Variants in OR51B5 observed in about 807,000 individuals in gnomAD.
The protein encoded by OR51B5 is olfactory receptor family 51 subfamily B member 5.
For synonymous variants in OR51B5, 186 were observed against 144.8 expected (o/e 1.28, Z -2.04); for missense variants, 456 against 374.6 (o/e 1.22, Z -1.79).
Position 5,363,089 on chromosome 11 carries a change from C to A in OR51B5, n.85-16179G>T, listed in dbSNP as rs1995159. On this transcript the variant is annotated intron_variant and non_coding_transcript_variant, in intron 1 of 4. Coordinates refer to the OR51B5 transcript ENST00000415970. ...ATGTGCTAAGTAGATGTCTGAGTGG[C>A]ATTCCTCCATGAGAGAAAGCTTAAG... Among the ~76,000 whole-genome samples, 358 of 152,010 alleles carry A rather than the reference C, an allele frequency of 2.4e-3. 9 individuals carry two copies. In the East Asian group the frequency reaches 0.05, roughly 21 times the overall value.
chr11:5,489,724 C>A, intron 1 of OR51B5: 2 of 1,088,472 alleles, frequency 1.8e-6, no homozygotes, highest in South Asian at 1.4e-5. Context: ...GATACATTTA[C>A]ATGGACACAC....
intron 1 of OR51B5, among the ~76,000 whole-genome samples, chr11:5,475,213 T>TGC (rs1851285604): frequency 6.6e-6 from 1 of 152,216 alleles, no homozygotes; most frequent in East Asian, 1.9e-4. Context: ...TACATCAATA[T>TGC]TAAGTCAACT....
At chr11:5,421,836 G>A (rs549727650) in intron 1 of OR51B5, among the ~76,000 whole-genome samples, 39 of 152,328 alleles carry the variant, frequency 2.6e-4, no homozygotes, top group Middle Eastern at 3.4e-3. Flanking sequence ...TTATACAATA[G>A]AGTTCATTTT....
chr11:5,407,865 CAAT>C (rs1850082409), intron 1 of OR51B5, among the ~76,000 whole-genome samples: 2 of 151,878 alleles, frequency 1.3e-5, no homozygotes, highest in African/African-American at 4.8e-5. Context: ...TTTTTCCTAT[CAAT>C]AATGATTAAT....
At chr11:5,348,719 C>G (rs571209392) in intron 1 of OR51B5, among the ~76,000 whole-genome samples, 27 of 152,202 alleles carry the variant, frequency 1.8e-4, no homozygotes, top group African/African-American at 6.5e-4. Context: ...CCCACCCAGA[C>G]GGAGGGTGGG....
chr11:5,342,382 A>G (rs375813220), downstream of OR51B5: 119 of 176,834 alleles, frequency 6.7e-4, 2 homozygotes, highest in South Asian at 0.021. Flanking sequence ...TATTCCGTTT[A>G]CAGGAATGCA....
intron 1 of OR51B5, chr11:5,441,653 C>G: frequency 1.5e-6 from 1 of 667,686 alleles, no homozygotes; most frequent in South Asian, 1.9e-5. Flanking sequence ...CAGTAAGACA[C>G]TCATCTCTTT....
intron 1 of OR51B5, chr11:5,456,248 C>T (rs1238037885): frequency 6.6e-6 from 1 of 152,088 alleles, no homozygotes. Context: ...TATGAGCCTC[C>T]CAAAAAGCCT....
intron 1 of OR51B5, among the ~76,000 whole-genome samples, chr11:5,491,436 T>A (rs1851579901): frequency 2.0e-5 from 3 of 152,118 alleles, no homozygotes; most frequent in Admixed American, 2.0e-4. Context: ...GGGACAGTCA[T>A]GTCTTGGCCC....
chr11:5,396,794 T>C (rs372139286), intron 1 of OR51B5, among the ~76,000 whole-genome samples: 11 of 152,104 alleles, frequency 7.2e-5, no homozygotes, highest in Admixed American at 1.3e-4. Context: ...CACTACCTGA[T>C]TTCAAACTAT....
In OR51B5 at chr11:5,416,122, A is replaced by T. The variant is rs1026196272; in HGVS notation, n.85-69212T>A. On this transcript the variant is annotated intron_variant and non_coding_transcript_variant, in intron 1 of 4. Transcript: ENST00000415970. ...CCCTGGGATGCAAGGCTGGTTCAAT[A>T]TATGCAAATCAATAAATGTAGTCCA... 1.1e-3 allele frequency among the ~76,000 whole-genome samples: 158 copies of T among 150,268 alleles called. 1 individual carries two copies. The highest frequency in any genetic ancestry group is 3.7e-3 in the African/African-American group (153 of 40,908).
chr11:5,494,880 G>A (rs926178204), intron 1 of OR51B5, among the ~76,000 whole-genome samples: 1 of 152,152 alleles, frequency 6.6e-6, no homozygotes, highest in Non-Finnish European at 1.5e-5. Flanking sequence ...GAGAAACAGA[G>A]AACAGATAGG....
intron 1 of OR51B5, among the ~76,000 whole-genome samples, chr11:5,402,174 G>A (rs1849980535): frequency 6.6e-6 from 1 of 151,928 alleles, no homozygotes; most frequent in African/African-American, 2.4e-5. Flanking sequence ...AACAAGCCTG[G>A]CTAATTTTTG....
At position 5,426,220 on chromosome 11, in the gene OR51B5, G is replaced by A. The variant is rs931507025; in HGVS notation, n.85-79310C>T. On this transcript the variant is annotated intron_variant and non_coding_transcript_variant, in intron 1 of 4. Transcript: ENST00000415970. ...GTCAAGGTTTTGGGGAAAGTGAAGTGTTGAATAGGTGAAGCTCGAGGATTT... is the reference window on the plus strand; with the variant it reads ...GTCAAGGTTTTGGGGAAAGTGAAGTATTGAATAGGTGAAGCTCGAGGATTT... Among the ~76,000 whole-genome samples, 5 of 152,286 alleles carry A rather than the reference G, an allele frequency of 3.3e-5. No homozygotes were observed. In the East Asian group the frequency reaches 5.8e-4, roughly 18 times the overall value.
In OR51B5 at chr11:5,389,682, G is replaced by C. The variant is rs202231256; in HGVS notation, n.85-42772C>G. On this transcript the variant is annotated intron_variant and non_coding_transcript_variant, in intron 1 of 4. Coordinates refer to the OR51B5 transcript ENST00000415970. ...GTGTCCACGTTGCCCACCACTATGG[G>C]GATCTTCTGGTTTAACTCCCATAGT... The C allele has an allele frequency of 1.3e-4, 206 of 1,613,572 alleles. No individual in the cohort carries two copies. In the African/African-American group the frequency reaches 2.5e-3, roughly 19 times the overall value.
chr11:5,403,220 T>A (rs1342096429), intron 1 of OR51B5: 11 of 471,288 alleles, frequency 2.3e-5, no homozygotes, highest in Admixed American at 7.0e-5. Flanking sequence ...TTACCTCTAC[T>A]TTTGGGCTGG....
intron 1 of OR51B5, among the ~76,000 whole-genome samples, chr11:5,426,094 A>C (rs1850445880): frequency 6.6e-6 from 1 of 152,216 alleles, no homozygotes; most frequent in Admixed American, 6.5e-5. Context: ...CATATTGCTA[A>C]GTGAAAGAAG....
At chr11:5,360,216 A>C (rs1292130358) in intron 1 of OR51B5, among the ~76,000 whole-genome samples, 3 of 151,860 alleles carry the variant, frequency 2.0e-5, no homozygotes, top group African/African-American at 7.3e-5. Flanking sequence ...CAACATACAG[A>C]ATGGGAGAAA....
chr11:5,371,049 A>T (rs1849441112), intron 1 of OR51B5, among the ~76,000 whole-genome samples: 1 of 152,200 alleles, frequency 6.6e-6, no homozygotes, highest in South Asian at 2.1e-4. Context: ...CCAAGAGCAG[A>T]TAATTTGAGT....
Sources: gnomAD v4.1 joint callset for allele counts (sites outside exome capture counted in the v4.1 genomes callset) on GRCh38, gnomAD v4.1.1 for gene constraint, MANE v1.5 for transcripts, NCBI Gene and HGNC (gene_info 2026-07-23, HGNC 2026-07-21) for gene names.